TET1: variants seen among roughly 807,000 people sequenced by gnomAD.
The protein encoded by TET1 is tet methylcytosine dioxygenase 1.
Under a neutral mutation model 148.7 loss-of-function variants are expected in TET1, and 13 were observed. That is an observed-to-expected ratio of 0.09 (90% CI 0.06 to 0.14). The LOEUF (loss-of-function observed/expected upper bound fraction) is 0.14, where lower values mean the gene tolerates loss of function less well. Among genes scored for constraint, TET1 ranks in the 10% least tolerant of loss-of-function variants. The probability of loss-of-function intolerance (pLI) is 1.00; values close to 1 mark genes in which losing one functional copy is unlikely to be tolerated. For synonymous variants in TET1, 907 were observed against 937.2 expected, an observed-to-expected ratio of 0.97 and a Z score of 0.59; for missense variants, 2,182 against 2,553.8, an observed-to-expected ratio of 0.85 and a Z score of 3.14.
At chr10:68,607,148 A>T (rs2054135568) in intron 3 of TET1, among the ~76,000 whole-genome samples, 1 of 151,730 alleles carries the variant, frequency 6.6e-6, no homozygotes, top group Non-Finnish European at 1.5e-5. Flanking sequence ...GGACGGGTTT[A>T]AGGAAAATTT....
At chr10:68,605,539 A>G (rs141123872) in intron 3 of TET1, among the ~76,000 whole-genome samples, 2,609 of 152,252 alleles carry the variant, frequency 0.017, 79 homozygotes, top group African/African-American at 0.059. Context: ...TTTGAGACAG[A>G]GTCTCACTCT....
intron 8 of TET1, among the ~76,000 whole-genome samples, chr10:68,677,614 T>C (rs1354360109): frequency 6.6e-6 from 1 of 152,190 alleles, no homozygotes; most frequent in Admixed American, 6.5e-5. Flanking sequence ...CTTTCTCAAC[T>C]CCAAAGCTGG....
intron 3 of TET1, among the ~76,000 whole-genome samples, chr10:68,620,867 G>A (rs547900611): frequency 6.6e-6 from 1 of 152,170 alleles, no homozygotes. Context: ...TAGCCTCCTA[G>A]TGGGTGGCAA....
At chr10:68,613,613 T>C (rs574719446) in intron 3 of TET1, among the ~76,000 whole-genome samples, 1 of 152,044 alleles carries the variant, frequency 6.6e-6, no homozygotes, top group Admixed American at 6.6e-5. Flanking sequence ...AGTAATGATA[T>C]AATAGAGCAA....
chr10:68,624,654 T>TTCTC (rs2054438386), intron 3 of TET1, among the ~76,000 whole-genome samples: 1 of 58,404 alleles, frequency 1.7e-5, no homozygotes, highest in Non-Finnish European at 3.1e-5. Context: ...CTTTCTTTCT[T>TTCTC]TCTTTCTCTC....
chr10:68,687,755 AATT>A (rs1448593498), intron 11 of TET1, among the ~76,000 whole-genome samples: 2 of 151,898 alleles, frequency 1.3e-5, no homozygotes, highest in Non-Finnish European at 2.9e-5. Flanking sequence ...GTGTCTAGCT[AATT>A]ATTGTATTTT....
chr10:68,592,509 G>A (rs191786268), intron 2 of TET1, among the ~76,000 whole-genome samples: 25 of 152,222 alleles, frequency 1.6e-4, no homozygotes, highest in Non-Finnish European at 1.3e-4. Flanking sequence ...ATTCTAACGG[G>A]AACGGTAGAG....
rs1187754339 is a variant in TET1 at position 68,651,920 on chromosome 10, G to C, written c.4351G>C (p.Glu1451Gln). Reference sequence around the variant, plus strand: ...AGGACCAAGTGTTGCTGCTGTCAGGGAAATCATGGAGAATAGGTGAGGAAA... The same window carrying C: ...AGGACCAAGTGTTGCTGCTGTCAGGCAAATCATGGAGAATAGGTGAGGAAA... ...GAGPSVAAVR[E>Q]IMENRYGQKG... Residue 1451 changes from glutamate to glutamine, a missense_variant, in exon 5 of 12, where the codon GAA becomes CAA. Around this residue, in one of 11 missense-constraint regions of TET1, gnomAD observed 169 missense variants for 263.7 expected, o/e 0.64. Transcript: ENST00000373644. 1.2e-6 allele frequency: 2 copies of C among 1,613,818 alleles called. No individual in the cohort carries two copies. Among genetic ancestry groups the C allele is most frequent in the Non-Finnish European group, 1.7e-6 (2 of 1,179,850 alleles).
At chr10:68,676,256 ATATATATATATATTTTTTTTTTTT>A (rs2055354427) in intron 8 of TET1, among the ~76,000 whole-genome samples, 1 of 40,380 alleles carries the variant, frequency 2.5e-5, no homozygotes, top group Admixed American at 4.4e-4. Flanking sequence ...ATATATATAT[ATATATATATATATTTTTTTTTTTT>A]TTTTTTTTTT....
chr10:68,662,818 G>T (rs2055141641), intron 6 of TET1, among the ~76,000 whole-genome samples: 1 of 152,160 alleles, frequency 6.6e-6, no homozygotes, highest in Admixed American at 6.6e-5. Context: ...CGGAAGGATC[G>T]AATGAGCCTG....
At chr10:68,574,306 ATATGCAGAGACACTTCTAGTGTCTC>A (rs2053704465) in intron 2 of TET1, 54 bp downstream of exon 2, 1 of 1,423,572 alleles carries the variant, frequency 7.0e-7, no homozygotes, top group Non-Finnish European at 9.6e-7. Context: ...ATAGTGATCT[ATATGCAGAGACACTTCTAGTGTCTC>A]TAGTGTCTCT....
chr10:68,642,188 G>A (rs1162110170), intron 3 of TET1, among the ~76,000 whole-genome samples: 1 of 152,130 alleles, frequency 6.6e-6, no homozygotes, highest in Non-Finnish European at 1.5e-5. Context: ...AGCTTCTCTA[G>A]AGCTGAGGCA....
intron 2 of TET1, among the ~76,000 whole-genome samples, chr10:68,588,520 G>T (rs2053884317): frequency 6.6e-6 from 1 of 152,122 alleles, no homozygotes; most frequent in Non-Finnish European, 1.5e-5. Flanking sequence ...AAGGCAATGA[G>T]GAAAATGTGA....
intron 11 of TET1, among the ~76,000 whole-genome samples, chr10:68,690,294 T>C (rs1428531780): frequency 6.6e-6 from 1 of 152,144 alleles, no homozygotes; most frequent in Non-Finnish European, 1.5e-5. Context: ...TATGCCTCTT[T>C]CCCAAAGGAA....
chr10:68,653,512 T>C (rs2054970915), intron 6 of TET1, among the ~76,000 whole-genome samples: 1 of 152,200 alleles, frequency 6.6e-6, no homozygotes, highest in African/African-American at 2.4e-5. Context: ...CTACTGGTAA[T>C]TTTATTGGAA....
intron 11 of TET1, among the ~76,000 whole-genome samples, chr10:68,689,619 A>G (rs1025589897): frequency 1.3e-5 from 2 of 152,094 alleles, no homozygotes; most frequent in Admixed American, 6.6e-5. Flanking sequence ...CTACTAAAAT[A>G]CAAAAAATTA....
At chr10:68,567,729 G>T (rs1297106404) in intron 1 of TET1, among the ~76,000 whole-genome samples, 1 of 151,222 alleles carries the variant, frequency 6.6e-6, no homozygotes, top group Non-Finnish European at 1.5e-5. Flanking sequence ...TCCAGCCTGG[G>T]CAATAAGAGT....
intron 4 of TET1, among the ~76,000 whole-genome samples, chr10:68,649,631 A>G (rs2054902874): frequency 6.6e-6 from 1 of 151,720 alleles, no homozygotes; most frequent in Non-Finnish European, 1.5e-5. Flanking sequence ...AAAGGGAGAG[A>G]ACACTTTTCT....
At chr10:68,664,626 G>C (rs775826465) in intron 6 of TET1, among the ~76,000 whole-genome samples, 92 of 143,548 alleles carry the variant, frequency 6.4e-4, no homozygotes, top group Non-Finnish European at 1.3e-3. Flanking sequence ...GACCTCAAGT[G>C]ATCTAACCAC....
Sources: gnomAD v4.1 joint callset for allele counts (sites outside exome capture counted in the v4.1 genomes callset) on GRCh38, gnomAD v4.1.1 for gene constraint, gnomAD v4.1.1 regional missense constraint, MANE v1.5 for transcripts, NCBI Gene and HGNC (gene_info 2026-07-23, HGNC 2026-07-21) for gene names.